SMG1: variants seen among roughly 807,000 people sequenced by gnomAD.
SMG1 encodes SMG1 nonsense mediated mRNA decay associated PI3K related kinase, also known as serine/threonine-protein kinase SMG1.
Under a neutral mutation model 419.9 loss-of-function variants are expected in SMG1, and 22 were observed. The observed-to-expected ratio is 0.05, with a 90% confidence interval of 0.04 to 0.07. SMG1 has a LOEUF of 0.07. SMG1 is among the 10% of genes least tolerant of loss of function. SMG1 has a pLI of 1.00. For synonymous variants in SMG1, 1,538 were observed against 1,553.5 expected, an observed-to-expected ratio of 0.99 and a Z score of 0.23; for missense variants, 3,185 against 4,342.0, an observed-to-expected ratio of 0.73 and a Z score of 7.49.
rs372569656 is a variant in SMG1 at position 18,819,554 on chromosome 16, G to A, written c.9842C>T (p.Thr3281Met). The change falls in exon 56 of 63, where the codon ACG (threonine) becomes ATG (methionine). Residue 3281 changes from threonine to methionine, a missense_variant. Around this residue, in one of 27 missense-constraint regions of SMG1, gnomAD observed 737 missense variants for 846.6 expected, o/e 0.87. Coordinates refer to ENST00000446231, the MANE Select transcript of SMG1 (RefSeq NM_015092.5). ...GACAAGATTTCTTCTTTCAGCTATCGTTGCTTCAAAATCTTGTAGTACAGG... is the reference window on the plus strand; with the variant it reads ...GACAAGATTTCTTCTTTCAGCTATCATTGCTTCAAAATCTTGTAGTACAGG... Reference protein sequence around the residue: ...LAPVLQDFEATIAERRNLVLK... With the variant: ...LAPVLQDFEAMIAERRNLVLK... The A allele has an allele frequency of 1.0e-5, 16 of 1,606,074 alleles. No homozygotes were observed. Among genetic ancestry groups the A allele is most frequent in the African/African-American group, 4.0e-5 (3 of 74,836 alleles).
At position 18,925,788 on chromosome 16, in the gene SMG1, G is replaced by A. The variant is rs977160689; in HGVS notation, c.92+162C>T. ...AGGCACTTAGGCCTCGCCTCCCCGC[G>A]GCCTTCCTCCCCCAGCCGGGGCGGA... On this transcript the variant is annotated intron_variant, in intron 1 of 62. Transcript: ENST00000446231. The A allele has an allele frequency of 1.8e-5, 9 of 499,120 alleles. No homozygotes were observed. The Admixed American group carries it at 2.2e-4, about 12-fold the overall frequency. The allele number at this position is 499,120 out of a possible 1,614,324, so 30.9% of individuals were successfully genotyped here. A position where few individuals can be genotyped will look rare whatever the true frequency, so the allele number is the denominator to read the frequency against.
At chr16:18,844,008 TACAC>T (rs71141072) in intron 39 of SMG1, among the ~76,000 whole-genome samples, 56 of 150,816 alleles carry the variant, frequency 3.7e-4, no homozygotes, top group African/African-American at 1.1e-3. Context: ...TCTATGATTA[TACAC>T]ACACACACAC....
chr16:18,886,801 C>CA (rs554159486), intron 6 of SMG1, among the ~76,000 whole-genome samples: 43 of 148,814 alleles, frequency 2.9e-4, no homozygotes, highest in South Asian at 4.2e-4. Context: ...GATTATGTCT[C>CA]AAAAAAAAAG....
intron 56 of SMG1, among the ~76,000 whole-genome samples, chr16:18,818,213 T>C (rs1279152285): frequency 6.6e-6 from 1 of 151,868 alleles, no homozygotes; most frequent in Non-Finnish European, 1.5e-5. Flanking sequence ...TGAAACCCCG[T>C]CTCTACTAAA....
chr16:18,886,425 A>C (rs1408988399), intron 6 of SMG1, among the ~76,000 whole-genome samples: 1 of 152,228 alleles, frequency 6.6e-6, no homozygotes, highest in Non-Finnish European at 1.5e-5. Flanking sequence ...TTTATTTTGC[A>C]GCTGTTAGAA....
intron 49 of SMG1, 37 bp from the exon 50 acceptor site, chr16:18,834,475 T>C: frequency 1.3e-6 from 2 of 1,577,550 alleles, no homozygotes; most frequent in Middle Eastern, 1.7e-4. Flanking sequence ...GAAACTTAAA[T>C]GTATAAACAA....
chr16:18,869,035 G>C (rs953860759), intron 20 of SMG1, 69 bp downstream of exon 20: 1 of 1,344,282 alleles, frequency 7.4e-7, no homozygotes, highest in African/African-American at 1.5e-5. Context: ...CTTTAACAAA[G>C]ATTTAAGAAT....
chr16:18,849,094 AAAAAAAAAAAAAC>A (rs2034443104), intron 36 of SMG1, 110 bp downstream of exon 36: 2 of 250,934 alleles, frequency 8.0e-6, no homozygotes, highest in African/African-American at 2.5e-5. Flanking sequence ...AAAAAAAAAA[AAAAAAAAAAAAAC>A]CCTACAAACT....
Position 18,876,188 on chromosome 16 carries a change from A to T in SMG1, c.1826T>A (p.Phe609Tyr). 3 of 1,611,798 alleles carry T rather than the reference A, an allele frequency of 1.9e-6. No homozygotes were observed. In the African/African-American group the frequency reaches 4.0e-5, roughly 21 times the overall value. ...NHVFNVDNAK[F>Y]VVIFDLSALT... ...GGCACTGAGGTCAAATATAACTACA[A>T]ATTTTGCATTGTCTACATTGAACAC... Residue 609 changes from phenylalanine to tyrosine, a missense_variant, in exon 13 of 63, where the codon TTT becomes TAT. Physicochemically the swap from Phe to Tyr is conservative, Grantham distance 22 (BLOSUM62 3). Around this residue, in one of 27 missense-constraint regions of SMG1, gnomAD observed 297 missense variants for 491.0 expected, o/e 0.60. Coordinates refer to ENST00000446231, the MANE Select transcript of SMG1 (RefSeq NM_015092.5).
intron 18 of SMG1, 23 bp from the exon 19 acceptor site, chr16:18,870,017 T>C: frequency 6.6e-7 from 1 of 1,508,026 alleles, no homozygotes; most frequent in Non-Finnish European, 8.9e-7. Context: ...AATAAAGTTG[T>C]TATGCAAAAT....
At position 18,876,408 on chromosome 16, in the gene SMG1, A is replaced by C; in HGVS notation, c.1621-15T>G. ...ACAGCAACAACCTGAAAAACAAAAA[A>C]TTCAAGGAAGTGATAAATGGAAAAT... On this transcript the variant is annotated splice_polypyrimidine_tract_variant and intron_variant, in intron 12 of 62. Coordinates refer to ENST00000446231, the MANE Select transcript of SMG1 (RefSeq NM_015092.5). 9 of 1,585,282 alleles carry C rather than the reference A, an allele frequency of 5.7e-6. No individual in the cohort carries two copies. Among genetic ancestry groups the C allele is most frequent in the Non-Finnish European group, 7.7e-6 (9 of 1,165,316 alleles).
chr16:18,848,147 T>C (rs2034373968), intron 36 of SMG1, 114 bp from the exon 37 acceptor site: 6 of 871,422 alleles, frequency 6.9e-6, no homozygotes, highest in Non-Finnish European at 5.3e-6. Context: ...TTGAACTCAT[T>C]TGCCTTCCAG....
At chr16:18,886,358 A>C (rs1028245792) in intron 6 of SMG1, among the ~76,000 whole-genome samples, 7 of 152,244 alleles carry the variant, frequency 4.6e-5, no homozygotes, top group Non-Finnish European at 1.0e-4. Context: ...TTTTTAAAAT[A>C]AATATAGGGC....
chr16:18,906,341 G>C (rs1213060273), intron 1 of SMG1, among the ~76,000 whole-genome samples: 1 of 152,032 alleles, frequency 6.6e-6, no homozygotes, highest in Non-Finnish European at 1.5e-5. Flanking sequence ...AAATTAGCTG[G>C]GTGTGGTGGT....
chr16:18,872,522 G>C lies in SMG1; in HGVS notation c.1993C>G (p.Leu665Val), dbSNP rs377355680. Residue 665 changes from leucine to valine, a missense_variant, in exon 14 of 63, where the codon CTC (leucine) becomes GTC (valine). By Grantham distance (32) the Leu-to-Val change is conservative (BLOSUM62 1). Around this residue, in one of 27 missense-constraint regions of SMG1, gnomAD observed 297 missense variants for 491.0 expected, o/e 0.60. Transcript: ENST00000446231. ...GTACAATGAGAATACAATGTGTAGA[G>C]CACAGCATACTGAATGGCAGGGAAG... ...VHFPAIQYAV[L>V]YTLYSHCTRH... 10 of 1,550,280 alleles carry C rather than the reference G, an allele frequency of 6.5e-6. No individual in the cohort carries two copies. Among genetic ancestry groups the C allele is most frequent in the Non-Finnish European group, 8.6e-7 (1 of 1,157,366 alleles).
At chr16:18,864,692 A>G (rs2925506) in intron 23 of SMG1, among the ~76,000 whole-genome samples, 27,927 of 151,856 alleles carry the variant, frequency 0.18, 2,651 homozygotes, top group Middle Eastern at 0.25. Flanking sequence ...GGCCAGGGTG[A>G]TCTCAAACTC....
chr16:18,829,798 G>A, intron 53 of SMG1, 43 bp from the exon 54 acceptor site: 1 of 1,533,586 alleles, frequency 6.5e-7, no homozygotes, highest in South Asian at 1.2e-5. Flanking sequence ...AAAAAAATCA[G>A]GTAATATGCT....
At position 18,833,034 on chromosome 16, in the gene SMG1, G is replaced by A. The variant is rs74905444; in HGVS notation, c.8698C>T (p.Leu2900=). Residue 2900 remains leucine (L), a synonymous_variant, in exon 51 of 63, where the codon CTG becomes TTG. Coordinates refer to ENST00000446231, the MANE Select transcript of SMG1 (RefSeq NM_015092.5). Reference sequence around the variant, plus strand: ...TGAAGAGATTCCACTAGAGTCTGCAGGGGAACGCCATCGGTGGTCTGCTCA... The same window carrying A: ...TGAAGAGATTCCACTAGAGTCTGCAAGGGAACGCCATCGGTGGTCTGCTCA... ...LIEQTTDGVP[L]QTLVESLQAY... is the part of the protein sequence containing the mutation. The A allele has an allele frequency of 6.2e-6, 10 of 1,613,874 alleles. No homozygotes were observed. In the East Asian group the frequency reaches 8.9e-5, roughly 14 times the overall value.
chr16:18,845,510 A>T lies in SMG1; in HGVS notation c.6138T>A (p.Asp2046Glu). ...GTTTTTCTAGGGCATTTTCAATGGC[A>T]TCACCATAGTTATCCTGAAACCATT... ...HEKWFQDNYG[D>E]AIENALEKLK... Residue 2046 changes from aspartate to glutamate, a missense_variant, in exon 39 of 63, where the codon GAT becomes GAA. Asp to Glu is a conservative substitution (Grantham distance 45). Transcript: ENST00000446231. 1 of 1,613,952 alleles carries T rather than the reference A, an allele frequency of 6.2e-7. No homozygotes were observed. Among genetic ancestry groups the T allele is most frequent in the Non-Finnish European group, 8.5e-7 (1 of 1,179,884 alleles).
Sources: gnomAD v4.1 joint callset for allele counts (sites outside exome capture counted in the v4.1 genomes callset) on GRCh38, gnomAD v4.1.1 for gene constraint, gnomAD v4.1.1 regional missense constraint, MANE v1.5 for transcripts, NCBI Gene and HGNC (gene_info 2026-07-23, HGNC 2026-07-21) for gene names.